Variants in NCAM2 observed in about 807,000 individuals in gnomAD.
NCAM2 encodes the protein N-CAM-2.
In NCAM2, 30 loss-of-function variants were observed where a neutral mutation model predicts 98.1. The observed-to-expected ratio is 0.31, with a 90% CI of 0.23 to 0.41. The LOEUF (loss-of-function observed/expected upper bound fraction) is 0.41, where lower values mean the gene tolerates loss of function less well. Among genes scored for constraint, NCAM2 ranks in the 10% least tolerant of loss-of-function variants. NCAM2 has a pLI of 1.00. For synonymous variants in NCAM2, 368 were observed against 342.4 expected (o/e 1.07, Z -0.83); for missense variants, 867 against 1,005.8 (o/e 0.86, Z 1.87).
chr21:21,391,477 G>T (rs2076378863), intron 9 of NCAM2, among the ~76,000 whole-genome samples: 3 of 152,040 alleles, frequency 2.0e-5, no homozygotes, highest in Admixed American at 2.0e-4. Flanking sequence ...TAGAACCTAA[G>T]GAGGAGATAA....
intron 15 of NCAM2, among the ~76,000 whole-genome samples, chr21:21,496,833 C>A (rs890994336): frequency 6.6e-6 from 1 of 152,056 alleles, no homozygotes; most frequent in African/African-American, 2.4e-5. Context: ...CTGCATTGGG[C>A]TAGCCAGTTA....
rs1010349956 is a variant in NCAM2 at position 21,432,118 on chromosome 21, C to T, written c.1491C>T (p.Ser497=). 4.3e-6 allele frequency: 7 copies of T among 1,613,586 alleles called. No individual in the cohort carries two copies. Among genetic ancestry groups the T allele is most frequent in the South Asian group, 2.2e-5 (2 of 91,044 alleles). Residue 497 remains serine (S), a synonymous_variant, in exon 12 of 18, where the codon TCC becomes TCT. Transcript: ENST00000400546. The part of the protein sequence containing the change: ...EYILALADVP[S]SPYGVKIIEL... ...TTTCTTTGTCCATAGACGTGCCATC[C>T]AGTCCCTATGGAGTGAAGATCATAG...
intron 15 of NCAM2, among the ~76,000 whole-genome samples, chr21:21,486,591 C>G (rs1986408551): frequency 6.6e-6 from 1 of 152,102 alleles, no homozygotes; most frequent in African/African-American, 2.4e-5. Context: ...TCATTGTAAC[C>G]TTACTTGATC....
chr21:21,171,970 A>T (rs2068139290), intron 1 of NCAM2, among the ~76,000 whole-genome samples: 1 of 152,160 alleles, frequency 6.6e-6, no homozygotes, highest in Admixed American at 6.5e-5. Flanking sequence ...TAAAAAGCCT[A>T]ATCACTGTAA....
At chr21:21,130,534 G>T (rs2066912051) in intron 1 of NCAM2, among the ~76,000 whole-genome samples, 1 of 152,050 alleles carries the variant, frequency 6.6e-6, no homozygotes, top group Non-Finnish European at 1.5e-5. Context: ...GTATAACAAA[G>T]AAGTATATAT....
intron 9 of NCAM2, among the ~76,000 whole-genome samples, chr21:21,387,063 T>C (rs982108212): frequency 6.6e-6 from 1 of 151,996 alleles, no homozygotes; most frequent in Non-Finnish European, 1.5e-5. Context: ...ACAACAAACA[T>C]TTATTTCTCT....
In NCAM2 at chr21:21,240,493, C is replaced by T. The variant is rs144037164; in HGVS notation, c.56-40085C>T. Among the ~76,000 whole-genome samples, 35 of 152,162 alleles carry T rather than the reference C, an allele frequency of 2.3e-4. 1 individual carries two copies. The East Asian group carries it at 6.6e-3, about 29-fold the overall frequency. On this transcript the variant is annotated intron_variant, in intron 1 of 17. Transcript: ENST00000400546. ...AGGGAAGGCTACGTCAGTTTTCTGT[C>T]TCTTTACCAGAGAGCCTCATGGTGT...
intron 8 of NCAM2, among the ~76,000 whole-genome samples, chr21:21,349,134 CA>C (rs777125728): frequency 2.0e-5 from 3 of 152,092 alleles, no homozygotes; most frequent in Non-Finnish European, 4.4e-5. Flanking sequence ...TTACAATCAA[CA>C]AAGTGATGAG....
chr21:21,471,642 A>G (rs1984454270), intron 14 of NCAM2, among the ~76,000 whole-genome samples: 1 of 152,070 alleles, frequency 6.6e-6, no homozygotes, highest in Non-Finnish European at 1.5e-5. Flanking sequence ...ATATTCTGAG[A>G]ACAATGTAAT....
chr21:21,486,299 G>C (rs1296655868), intron 15 of NCAM2, among the ~76,000 whole-genome samples: 1 of 64,176 alleles, frequency 1.6e-5, no homozygotes, highest in African/African-American at 8.8e-5. Context: ...GCGAGACTCC[G>C]TCTCAAAAAA....
intron 12 of NCAM2, among the ~76,000 whole-genome samples, chr21:21,435,929 A>C (rs1978313256): frequency 6.6e-6 from 1 of 152,194 alleles, no homozygotes; most frequent in Admixed American, 6.5e-5. Context: ...TAAATATGTA[A>C]CTGTAAGATC....
chr21:21,427,252 A>G, intron 11 of NCAM2, among the ~76,000 whole-genome samples: 1 of 152,186 alleles, frequency 6.6e-6, no homozygotes, highest in East Asian at 1.9e-4. Flanking sequence ...TATAATTCAC[A>G]GTAATAAGAC....
intron 1 of NCAM2, among the ~76,000 whole-genome samples, chr21:21,023,079 G>C (rs962859097): frequency 1.3e-5 from 2 of 152,026 alleles, no homozygotes; most frequent in Admixed American, 1.3e-4. Flanking sequence ...TAAGAACATG[G>C]GAAGTAAGAA....
At chr21:21,517,300 C>T (rs993047032) in intron 16 of NCAM2, among the ~76,000 whole-genome samples, 3 of 152,084 alleles carry the variant, frequency 2.0e-5, no homozygotes, top group African/African-American at 7.2e-5. Flanking sequence ...TTTTTATATT[C>T]ATTTCTTAGC....
chr21:21,542,314 C>A lies in NCAM2; in HGVS notation c.*4357C>A, dbSNP rs1327763315. ...TTAATTATATCTTCTCATATAAAGG[C>A]AAAGAATTTTATATTATATATAATG... On this transcript the variant is annotated 3_prime_UTR_variant, in exon 18 of 18. Transcript: ENST00000400546. The A allele has an allele frequency of 6.6e-6, 1 of 151,510 alleles. No individual in the cohort carries two copies. The highest frequency in any genetic ancestry group is 1.9e-4 in the East Asian group (1 of 5,180). 9.4% of individuals were successfully genotyped at this position (151,510 alleles called of 1,614,324 possible). A position where few individuals can be genotyped will look rare whatever the true frequency, so the allele number is the denominator to read the frequency against.
At chr21:21,392,749 C>G (rs2076407911) in intron 9 of NCAM2, among the ~76,000 whole-genome samples, 1 of 152,152 alleles carries the variant, frequency 6.6e-6, no homozygotes, top group African/African-American at 2.4e-5. Flanking sequence ...TGTATGTCCT[C>G]TTTTGAGAAG....
At chr21:21,139,884 A>C (rs2067131446) in intron 1 of NCAM2, among the ~76,000 whole-genome samples, 1 of 152,166 alleles carries the variant, frequency 6.6e-6, no homozygotes, top group Admixed American at 6.5e-5. Context: ...ATAAATCTAA[A>C]ATATTCACAA....
chr21:21,303,115 G>A (rs1377617103), intron 5 of NCAM2, among the ~76,000 whole-genome samples: 1 of 151,996 alleles, frequency 6.6e-6, no homozygotes, highest in Non-Finnish European at 1.5e-5. Context: ...GAGGGAGAAA[G>A]GGAGGCGTGG....
At chr21:21,368,209 C>T (rs1410435633) in intron 8 of NCAM2, among the ~76,000 whole-genome samples, 2 of 151,754 alleles carry the variant, frequency 1.3e-5, no homozygotes, top group African/African-American at 4.8e-5. Flanking sequence ...GTAGAGGTAA[C>T]AATCTACTAA....
Sources: gnomAD v4.1 joint callset for allele counts (sites outside exome capture counted in the v4.1 genomes callset) on GRCh38, gnomAD v4.1.1 for gene constraint, MANE v1.5 for transcripts, NCBI Gene and HGNC (gene_info 2026-07-23, HGNC 2026-07-21) for gene names.